CNTNAP2: variants seen among roughly 807,000 people sequenced by gnomAD.
The protein encoded by CNTNAP2 is contactin-associated protein-like 2.
CNTNAP2 carries 98 observed loss-of-function variants against 155.2 expected under a neutral mutation model. The observed-to-expected ratio is 0.63, with a 90% CI of 0.54 to 0.75. The LOEUF (loss-of-function observed/expected upper bound fraction) is 0.75. Among genes scored for constraint, CNTNAP2 ranks in the 30% least tolerant of loss-of-function variants. The pLI is 0.00. For synonymous variants in CNTNAP2, 651 were observed against 631.2 expected, an observed-to-expected ratio of 1.03 and a Z score of -0.47; for missense variants, 1,727 against 1,688.1, an observed-to-expected ratio of 1.02 and a Z score of -0.40.
chr7:148,383,971 A>C, intron 22 of CNTNAP2, 83 bp downstream of exon 22: 1 of 1,524,844 alleles, frequency 6.6e-7, no homozygotes, highest in South Asian at 1.2e-5. Context: ...ATTTAATAAC[A>C]GAACCTCACT....
At chr7:148,109,736 C>A (rs1804305714) in intron 15 of CNTNAP2, among the ~76,000 whole-genome samples, 1 of 152,168 alleles carries the variant, frequency 6.6e-6, no homozygotes, top group Admixed American at 6.5e-5. Context: ...CTCAAACTTA[C>A]AAAGTTTTCC....
intron 1 of CNTNAP2, among the ~76,000 whole-genome samples, chr7:146,197,163 T>G (rs1798789307): frequency 1.3e-5 from 2 of 152,184 alleles, no homozygotes; most frequent in Admixed American, 1.3e-4. Context: ...ACTAGCATTT[T>G]TTTACGTTGT....
intron 1 of CNTNAP2, among the ~76,000 whole-genome samples, chr7:146,575,275 C>A (rs960910211): frequency 1.3e-5 from 2 of 152,096 alleles, no homozygotes; most frequent in African/African-American, 4.8e-5. Context: ...CACCACCACG[C>A]CCGGCTAATT....
At chr7:147,744,736 T>A (rs945576379) in intron 13 of CNTNAP2, among the ~76,000 whole-genome samples, 1 of 152,176 alleles carries the variant, frequency 6.6e-6, no homozygotes, top group Non-Finnish European at 1.5e-5. Flanking sequence ...TGTATCCTCA[T>A]ATGGCCTTTC....
intron 1 of CNTNAP2, among the ~76,000 whole-genome samples, chr7:146,487,362 A>G (rs1456915340): frequency 6.6e-6 from 1 of 152,234 alleles, no homozygotes; most frequent in Non-Finnish European, 1.5e-5. Context: ...GTACCCAAGA[A>G]ATAAAAACGC....
chr7:146,764,586 T>C (rs1481134286), intron 1 of CNTNAP2, among the ~76,000 whole-genome samples: 1 of 152,050 alleles, frequency 6.6e-6, no homozygotes. Flanking sequence ...GTTCAGTAGA[T>C]AATTTGAAAC....
intron 12 of CNTNAP2, among the ~76,000 whole-genome samples, chr7:147,580,190 T>C (rs1410111423): frequency 6.6e-6 from 1 of 152,218 alleles, no homozygotes; most frequent in Non-Finnish European, 1.5e-5. Context: ...TAATATTTAA[T>C]GAACAATTAC....
intron 3 of CNTNAP2, among the ~76,000 whole-genome samples, chr7:146,944,568 ATAC>A (rs1797119708): frequency 1.3e-5 from 2 of 152,194 alleles, no homozygotes; most frequent in Non-Finnish European, 2.9e-5. Flanking sequence ...TAATGTAGAT[ATAC>A]ATATGCATAG....
intron 13 of CNTNAP2, among the ~76,000 whole-genome samples, chr7:147,863,829 C>A (rs111939787): frequency 6.6e-6 from 1 of 151,542 alleles, no homozygotes; most frequent in African/African-American, 2.4e-5. Context: ...GGATATTAGC[C>A]CTTTGTCAGA....
At position 146,791,260 on chromosome 7, in the gene CNTNAP2, G is replaced by A. The variant is rs1242911503; in HGVS notation, c.208+16879G>A. On this transcript the variant is annotated intron_variant, in intron 2 of 23. Transcript: ENST00000361727. The stretch of plus-strand genomic sequence containing the variant: ...CCAGCTTCATCCATGTCCCTGCAAA[G>A]GACATGAATTCATCTTTTTTTATGG... Among the ~76,000 whole-genome samples, 3 of 152,104 alleles carry A rather than the reference G, an allele frequency of 2.0e-5. No individual in the cohort carries two copies. In the East Asian group the frequency reaches 5.8e-4, roughly 29 times the overall value.
chr7:147,666,209 C>A (rs537248467), intron 13 of CNTNAP2, among the ~76,000 whole-genome samples: 4 of 152,154 alleles, frequency 2.6e-5, no homozygotes, highest in South Asian at 2.1e-4. Context: ...ACATTTCCAG[C>A]GTTAGTCGGT....
chr7:148,008,466 TC>T (rs1802018216), intron 15 of CNTNAP2, among the ~76,000 whole-genome samples: 1 of 152,232 alleles, frequency 6.6e-6, no homozygotes, highest in Non-Finnish European at 1.5e-5. Flanking sequence ...AGAACCTGCT[TC>T]CTTTCCTCTT....
intron 13 of CNTNAP2, among the ~76,000 whole-genome samples, chr7:147,773,535 G>C (rs189577396): frequency 3.3e-5 from 5 of 152,120 alleles, no homozygotes; most frequent in African/African-American, 9.7e-5. Context: ...AAATGTGCTA[G>C]AACTAGTCAT....
intron 3 of CNTNAP2, among the ~76,000 whole-genome samples, chr7:146,866,888 A>G (rs1562979189): frequency 6.6e-6 from 1 of 152,156 alleles, no homozygotes; most frequent in African/African-American, 2.4e-5. Context: ...CGGTAGAAAC[A>G]TAACTTCGAT....
At chr7:147,742,642 C>T (rs920495237) in intron 13 of CNTNAP2, among the ~76,000 whole-genome samples, 1 of 152,192 alleles carries the variant, frequency 6.6e-6, no homozygotes, top group South Asian at 2.1e-4. Context: ...AGGTTTCGCT[C>T]ATGTAGAGTA....
intron 8 of CNTNAP2, among the ~76,000 whole-genome samples, chr7:147,272,464 C>G (rs1422228733): frequency 6.6e-6 from 1 of 152,082 alleles, no homozygotes; most frequent in Non-Finnish European, 1.5e-5. Flanking sequence ...TACTGTATCT[C>G]TACCTTCAGC....
At chr7:146,773,577 T>C (rs1802334931) in intron 1 of CNTNAP2, among the ~76,000 whole-genome samples, 1 of 152,108 alleles carries the variant, frequency 6.6e-6, no homozygotes, top group Admixed American at 6.5e-5. Context: ...TCATTTTTAG[T>C]AGAGATGGGG....
intron 5 of CNTNAP2, among the ~76,000 whole-genome samples, chr7:147,115,684 C>T (rs1016511310): frequency 6.6e-6 from 1 of 152,058 alleles, no homozygotes; most frequent in African/African-American, 2.4e-5. Context: ...CCTCTCTAAC[C>T]TGGGTGTTCT....
At chr7:148,342,712 G>A (rs1299037851) in intron 21 of CNTNAP2, among the ~76,000 whole-genome samples, 1 of 152,220 alleles carries the variant, frequency 6.6e-6, no homozygotes, top group Non-Finnish European at 1.5e-5. Context: ...GTGGCCACAG[G>A]AAGAAAAGAT....
Sources: allele counts gnomAD v4.1 joint callset (sites outside exome capture counted in the v4.1 genomes callset), GRCh38; gene constraint gnomAD v4.1.1; transcripts MANE v1.5; gene names NCBI Gene and HGNC (gene_info 2026-07-23, HGNC 2026-07-21).